KIRREL3: variants seen among roughly 807,000 people sequenced by gnomAD.
The protein encoded by KIRREL3 is kirre like nephrin family adhesion molecule 3, also known as kin of IRRE-like protein 3.
A neutral mutation model predicts 89.7 loss-of-function variants in KIRREL3; 36 were observed. That is an observed-to-expected ratio of 0.40 (90% CI 0.31 to 0.53). The LOEUF is 0.53. Ranked by LOEUF, KIRREL3 falls within the 20% of genes least tolerant of loss-of-function variation. The pLI, the probability that KIRREL3 is intolerant of heterozygous loss-of-function variation, is 0.49. For missense variants in KIRREL3, 864 were observed against 1,056.6 expected, an observed-to-expected ratio of 0.82 and a Z score of 2.53; for synonymous variants, 445 against 441.4, an observed-to-expected ratio of 1.01 and a Z score of -0.10.
chr11:126,859,051 G>A (rs1025411090), intron 1 of KIRREL3, among the ~76,000 whole-genome samples: 1 of 152,122 alleles, frequency 6.6e-6, no homozygotes, highest in African/African-American at 2.4e-5. Flanking sequence ...TGCTGCTGAG[G>A]CACAAACACT....
intron 1 of KIRREL3, among the ~76,000 whole-genome samples, chr11:126,952,905 C>A (rs1380620394): frequency 6.6e-6 from 1 of 152,150 alleles, no homozygotes; most frequent in Non-Finnish European, 1.5e-5. Context: ...TTAGTTCAAC[C>A]ATTGTGGAAG....
rs1248036604 is a variant in KIRREL3 at position 126,993,036 on chromosome 11, AC to A, written c.55+7418del. On this transcript the variant is annotated intron_variant, in intron 1 of 16. Coordinates refer to ENST00000525144, the MANE Select transcript of KIRREL3 (RefSeq NM_032531.4). The surrounding 1 kb of genome is among the most constrained non-coding windows in gnomAD (Gnocchi z 6.1). ...TCCCCCCATACTTATTCTCTTGCTC[AC>A]TTCATCCATCAGCTAGAAAGAACGA... is the stretch of plus-strand genomic sequence containing the variant. 6.6e-6 allele frequency among the ~76,000 whole-genome samples: 1 copy of A among 152,102 alleles called. No individual in the cohort carries two copies. Among genetic ancestry groups the A allele is most frequent in the Non-Finnish European group, 1.5e-5 (1 of 68,018 alleles).
In KIRREL3 at chr11:126,432,941, C is replaced by T. The variant is rs1955188670; in HGVS notation, c.1589-1415G>A. On this transcript the variant is annotated intron_variant, in intron 13 of 16. Transcript: ENST00000525144. The surrounding 1 kb of genome is among the most constrained non-coding windows in gnomAD (Gnocchi z 6.2). Reference sequence around the variant, plus strand: ...ACACCCAGGCTGGAGGGCAGTGGCACGATCTCAGTTCACTGCAACCTCCGC... The same window carrying T: ...ACACCCAGGCTGGAGGGCAGTGGCATGATCTCAGTTCACTGCAACCTCCGC... Among the ~76,000 whole-genome samples the T allele has an allele frequency of 1.3e-5, 2 of 152,150 alleles. No homozygotes were observed. Among genetic ancestry groups the T allele is most frequent in the African/African-American group, 2.4e-5 (1 of 41,432 alleles).
intron 9 of KIRREL3, among the ~76,000 whole-genome samples, chr11:126,446,463 G>A (rs1371099097): frequency 2.0e-5 from 3 of 152,032 alleles, no homozygotes; most frequent in Admixed American, 1.3e-4. Context: ...GTGCCACTGT[G>A]CCCACTTGAA....
intron 1 of KIRREL3, chr11:126,920,086 C>T (rs999891248): frequency 6.6e-6 from 1 of 152,184 alleles, no homozygotes; most frequent in African/African-American, 2.4e-5. Context: ...GTACTTGTCA[C>T]TTGTCATTCT....
chr11:126,836,924 C>T (rs182509036), intron 1 of KIRREL3, among the ~76,000 whole-genome samples: 9 of 152,318 alleles, frequency 5.9e-5, no homozygotes, highest in Non-Finnish European at 1.2e-4. Context: ...TGCCTTCTAA[C>T]AGAACCTGAG....
At chr11:126,451,579 T>C (rs1956165847) in intron 7 of KIRREL3, among the ~76,000 whole-genome samples, 2 of 149,312 alleles carry the variant, frequency 1.3e-5, no homozygotes, top group Non-Finnish European at 1.5e-5. Context: ...TGCATGTGTG[T>C]GTGCGTGTGT....
intron 1 of KIRREL3, among the ~76,000 whole-genome samples, chr11:126,901,428 C>T (rs1354614002): frequency 1.3e-5 from 2 of 152,148 alleles, no homozygotes; most frequent in African/African-American, 4.8e-5. Context: ...TAGTTAGTTG[C>T]TAGTCTGGAA....
chr11:126,443,954 C>G lies in KIRREL3; in HGVS notation c.1252+1025G>C, dbSNP rs941476648. Among the ~76,000 whole-genome samples, 1 of 152,166 alleles carries G rather than the reference C, an allele frequency of 6.6e-6. No homozygotes were observed. Among genetic ancestry groups the G allele is most frequent in the East Asian group, 1.9e-4 (1 of 5,192 alleles). ...GAGCATTCGGAAACGGCAGAGGAAT[C>G]GAACTGGCAGCTTTGCTTTTTGCCT... is the stretch of plus-strand genomic sequence containing the variant. On this transcript the variant is annotated intron_variant, in intron 10 of 16. Transcript: ENST00000525144. This position sits in a 1 kb window ranked among gnomAD's most constrained non-coding sequence, Gnocchi z 7.3.
At chr11:126,810,920 C>T (rs1201310002) in intron 1 of KIRREL3, among the ~76,000 whole-genome samples, 1 of 152,292 alleles carries the variant, frequency 6.6e-6, no homozygotes, top group East Asian at 1.9e-4. Flanking sequence ...CCCGGGCTCT[C>T]TCCCTGACAG....
chr11:126,863,598 C>CT (rs1555066482), intron 1 of KIRREL3, among the ~76,000 whole-genome samples: 2 of 74,574 alleles, frequency 2.7e-5, no homozygotes, highest in African/African-American at 1.1e-4. Context: ...TGTTTGAGTG[C>CT]GTGTGTGTTT....
intron 1 of KIRREL3, chr11:126,945,007 C>T (rs1565447034): frequency 6.6e-6 from 1 of 152,250 alleles, no homozygotes; most frequent in Non-Finnish European, 1.5e-5. Flanking sequence ...GCGCTTGCAC[C>T]TCTTTGCTGT....
At chr11:126,901,548 C>T (rs1203494154) in intron 1 of KIRREL3, among the ~76,000 whole-genome samples, 1 of 152,162 alleles carries the variant, frequency 6.6e-6, no homozygotes, top group Admixed American at 6.5e-5. Context: ...ATACTGTCTG[C>T]AGAAAGCATG....
rs1042210737 is a variant in KIRREL3 at position 126,683,793 on chromosome 11, T to C, written c.56-120881A>G. ...AGCAGGCCTGGCAGCCTCCTCTCTC[T>C]TGGGATGCAAACTGCTTATGTGGTA... On this transcript the variant is annotated intron_variant, in intron 1 of 16. Transcript: ENST00000525144. This position sits in a 1 kb window ranked among gnomAD's most constrained non-coding sequence, Gnocchi z 5.2. Among the ~76,000 whole-genome samples the C allele has an allele frequency of 3.9e-5, 6 of 152,196 alleles. No individual in the cohort carries two copies. Among genetic ancestry groups the C allele is most frequent in the Non-Finnish European group, 7.3e-5 (5 of 68,036 alleles).
chr11:127,002,932 G>C (rs2135315202), upstream of KIRREL3: 1 of 152,208 alleles, frequency 6.6e-6, no homozygotes, highest in South Asian at 2.1e-4. Context: ...AAAGAAGAGG[G>C]GGGCCTGGGA....
chr11:126,788,228 TC>T lies in KIRREL3; in HGVS notation c.55+212226del, dbSNP rs1164464313. On this transcript the variant is annotated intron_variant, in intron 1 of 16. Transcript: ENST00000525144. The surrounding 1 kb of genome is among the most constrained non-coding windows in gnomAD (Gnocchi z 4.1). ...GAAATCGTTTCTAACCATCTCTTTTTCATTCCTATGGACGTTGCCTCCCAGG... is the reference window on the plus strand; with the variant it reads ...GAAATCGTTTCTAACCATCTCTTTTTATTCCTATGGACGTTGCCTCCCAGG... Among the ~76,000 whole-genome samples, 11 of 152,368 alleles carry T rather than the reference TC, an allele frequency of 7.2e-5. No individual in the cohort carries two copies. Among genetic ancestry groups the T allele is most frequent in the South Asian group, 2.1e-4 (1 of 4,834 alleles).
chr11:126,424,384 C>A lies in KIRREL3; in HGVS notation c.*196G>T. The A allele has an allele frequency of 4.2e-6, 2 of 481,368 alleles. No individual in the cohort carries two copies. The highest frequency in any genetic ancestry group is 7.7e-6 in the Non-Finnish European group (2 of 260,976). The allele number at this position is 481,368 out of a possible 1,614,324, so 29.8% of individuals were successfully genotyped here. ...CTCTGTCTGTCTCCCCACCCGCCCACCTCTGGCACACAGCACCTGGGGACC... is the reference window on the plus strand; with the variant it reads ...CTCTGTCTGTCTCCCCACCCGCCCAACTCTGGCACACAGCACCTGGGGACC... On this transcript the variant is annotated 3_prime_UTR_variant, in exon 17 of 17. Coordinates refer to ENST00000525144, the MANE Select transcript of KIRREL3 (RefSeq NM_032531.4).
In KIRREL3 at chr11:126,876,593, A is replaced by T. The variant is rs1465734252; in HGVS notation, c.55+123862T>A. Among the ~76,000 whole-genome samples, 2 of 147,764 alleles carry T rather than the reference A, an allele frequency of 1.4e-5. No homozygotes were observed. The highest frequency in any genetic ancestry group is 4.0e-4 in the East Asian group (2 of 5,016). ...TGCTCTGTCACCCAGGCTGGAGTGC[A>T]GCGGTGCGACCTTGGCCCACTGCAA... On this transcript the variant is annotated intron_variant, in intron 1 of 16. Transcript: ENST00000525144. This position sits in a 1 kb window ranked among gnomAD's most constrained non-coding sequence, Gnocchi z 4.1.
chr11:126,494,378 T>C (rs887939490), intron 4 of KIRREL3, among the ~76,000 whole-genome samples: 4 of 152,226 alleles, frequency 2.6e-5, no homozygotes, highest in Admixed American at 1.3e-4. Flanking sequence ...ACTTCAATGT[T>C]CTGGAAAAAA....
Sources: gnomAD v4.1 joint callset for allele counts (sites outside exome capture counted in the v4.1 genomes callset) on GRCh38, gnomAD v4.1.1 for gene constraint, Gnocchi (gnomAD v3.1) non-coding constraint, MANE v1.5 for transcripts, NCBI Gene and HGNC (gene_info 2026-07-23, HGNC 2026-07-21) for gene names.